Variants in ARHGAP24 observed in about 807,000 individuals in gnomAD.
ARHGAP24 encodes the protein rho GTPase-activating protein 24.
A neutral mutation model predicts 76.4 loss-of-function variants in ARHGAP24; 50 were observed. The observed-to-expected ratio is 0.65, with a 90% CI of 0.52 to 0.83. ARHGAP24 has a LOEUF of 0.83. Among genes scored for constraint, ARHGAP24 ranks in the 40% least tolerant of loss-of-function variants. The pLI is 0.00. For synonymous variants in ARHGAP24, 345 were observed against 323.3 expected, an observed-to-expected ratio of 1.07 and a Z score of -0.72; for missense variants, 930 against 914.2, an observed-to-expected ratio of 1.02 and a Z score of -0.22.
chr4:85,802,760 C>G (rs1475602757), intron 3 of ARHGAP24, among the ~76,000 whole-genome samples: 2 of 152,172 alleles, frequency 1.3e-5, no homozygotes, highest in African/African-American at 4.8e-5. Flanking sequence ...CATTGCACTC[C>G]AACCTGGGCA....
chr4:85,621,361 C>G (rs1000990106), intron 2 of ARHGAP24, among the ~76,000 whole-genome samples: 4 of 152,054 alleles, frequency 2.6e-5, no homozygotes, highest in Non-Finnish European at 4.4e-5. Flanking sequence ...TCCACAATGG[C>G]TGAAATAATT....
At chr4:85,720,929 G>A (rs118030942) in intron 2 of ARHGAP24, among the ~76,000 whole-genome samples, 3,378 of 152,228 alleles carry the variant, frequency 0.022, 52 homozygotes, top group South Asian at 0.056. Flanking sequence ...GTGGAATGCT[G>A]GGTGCATCAA....
chr4:85,500,211 T>C (rs1238315411), intron 1 of ARHGAP24, among the ~76,000 whole-genome samples: 1 of 152,228 alleles, frequency 6.6e-6, no homozygotes, highest in Non-Finnish European at 1.5e-5. Context: ...TTAATGTAGA[T>C]ACTAGAAAAT....
chr4:85,782,405 A>G (rs1316159456), intron 3 of ARHGAP24, among the ~76,000 whole-genome samples: 1 of 152,248 alleles, frequency 6.6e-6, no homozygotes, highest in Admixed American at 6.5e-5. Context: ...TCGATTTAGA[A>G]AGATACTTTT....
intron 3 of ARHGAP24, among the ~76,000 whole-genome samples, chr4:85,805,108 C>T (rs1226471412): frequency 3.3e-5 from 5 of 152,072 alleles, no homozygotes; most frequent in Non-Finnish European, 7.4e-5. Flanking sequence ...GATTAGGGAG[C>T]CTGTGGTGAG....
intron 2 of ARHGAP24, among the ~76,000 whole-genome samples, chr4:85,610,218 C>T (rs932808461): frequency 9.2e-5 from 14 of 151,878 alleles, no homozygotes; most frequent in East Asian, 5.8e-4. Flanking sequence ...CGGAGGCAGG[C>T]GGATCACGAG....
intron 1 of ARHGAP24, among the ~76,000 whole-genome samples, chr4:85,531,878 A>G (rs1469249446): frequency 6.6e-6 from 1 of 152,068 alleles, no homozygotes; most frequent in African/African-American, 2.4e-5. Flanking sequence ...TATTATATCA[A>G]TGATCAATTC....
intron 3 of ARHGAP24, among the ~76,000 whole-genome samples, chr4:85,781,578 A>G (rs1159693554): frequency 6.6e-6 from 1 of 152,096 alleles, no homozygotes; most frequent in African/African-American, 2.4e-5. Context: ...AATTTTTAAA[A>G]AAATACAAGT....
At chr4:85,979,517 C>T (rs1421023063) in intron 8 of ARHGAP24, among the ~76,000 whole-genome samples, 1 of 152,108 alleles carries the variant, frequency 6.6e-6, no homozygotes, top group Non-Finnish European at 1.5e-5. Context: ...TGGCAACTAC[C>T]CTTCTGCTTT....
chr4:85,641,220 G>A (rs764752345), intron 2 of ARHGAP24, among the ~76,000 whole-genome samples: 1 of 152,156 alleles, frequency 6.6e-6, no homozygotes, highest in Non-Finnish European at 1.5e-5. Context: ...GCTCAGCCTT[G>A]CGCGTAGTGG....
intron 2 of ARHGAP24, among the ~76,000 whole-genome samples, chr4:85,720,222 C>T (rs1474329698): frequency 6.6e-6 from 1 of 151,754 alleles, no homozygotes; most frequent in Non-Finnish European, 1.5e-5. Context: ...ATGTAACAAA[C>T]CTGCACGTTG....
intron 2 of ARHGAP24, among the ~76,000 whole-genome samples, chr4:85,571,367 T>C (rs1727134016): frequency 2.0e-5 from 3 of 152,352 alleles, no homozygotes; most frequent in Non-Finnish European, 2.9e-5. Flanking sequence ...CATCTGCATT[T>C]CCATAGTTGC....
chr4:85,784,521 A>G (rs1727716163), intron 3 of ARHGAP24, among the ~76,000 whole-genome samples: 2 of 151,952 alleles, frequency 1.3e-5, no homozygotes, highest in South Asian at 4.1e-4. Context: ...CTCCAGATGC[A>G]CAATGCTCGC....
At chr4:85,714,781 C>G (rs1724673359) in intron 2 of ARHGAP24, among the ~76,000 whole-genome samples, 1 of 152,034 alleles carries the variant, frequency 6.6e-6, no homozygotes, top group Non-Finnish European at 1.5e-5. Context: ...TCTTTTCTCC[C>G]CCTGGTAGTA....
chr4:85,484,087 T>G (rs1722926715), intron 1 of ARHGAP24, among the ~76,000 whole-genome samples: 1 of 152,234 alleles, frequency 6.6e-6, no homozygotes, highest in Non-Finnish European at 1.5e-5. Flanking sequence ...GTGACTTCAA[T>G]TTCGTGTAGG....
intron 2 of ARHGAP24, among the ~76,000 whole-genome samples, chr4:85,671,949 A>G (rs1260489283): frequency 6.6e-6 from 1 of 152,144 alleles, no homozygotes; most frequent in Non-Finnish European, 1.5e-5. Flanking sequence ...GAGTTCACCA[A>G]CCTTCAATAC....
Position 85,610,451 on chromosome 4 carries a change from C to CAAAAAAAA in ARHGAP24, c.180+39754_180+39761dup, listed in dbSNP as rs57348830. 2.3e-3 allele frequency among the ~76,000 whole-genome samples: 118 copies of CAAAAAAAA among 51,256 alleles called. 11 individuals are homozygous for CAAAAAAAA. Among genetic ancestry groups the CAAAAAAAA allele is most frequent in the African/African-American group, 4.8e-3 (60 of 12,382 alleles). 33.6% of individuals were successfully genotyped at this position (51,256 alleles called of 152,430 possible). A position where few individuals can be genotyped will look rare whatever the true frequency, so the allele number is the denominator to read the frequency against. ...AGAGTGAGGAGTGAGACTCCATCTA[C>CAAAAAAAA]AAAAAAAAAAAAAAAAAAAAAAAAA... is the stretch of plus-strand genomic sequence containing the variant. On this transcript the variant is annotated intron_variant, in intron 2 of 9. Transcript: ENST00000395184.
intron 4 of ARHGAP24, chr4:85,930,376 A>C: frequency 1.0e-6 from 1 of 987,008 alleles, no homozygotes. Flanking sequence ...GAAATCTATC[A>C]TGCACTGAAA....
intron 3 of ARHGAP24, among the ~76,000 whole-genome samples, chr4:85,905,755 G>A (rs1734740232): frequency 6.6e-6 from 1 of 152,166 alleles, no homozygotes; most frequent in Admixed American, 6.5e-5. Flanking sequence ...GCCATAGTAG[G>A]ACTGTCAGAA....
Sources: allele counts gnomAD v4.1 joint callset (sites outside exome capture counted in the v4.1 genomes callset), GRCh38; gene constraint gnomAD v4.1.1; transcripts MANE v1.5; gene names NCBI Gene and HGNC (gene_info 2026-07-23, HGNC 2026-07-21).